Variants in HIBADH observed in about 807,000 individuals in gnomAD.
The protein encoded by HIBADH is 3-hydroxyisobutyrate dehydrogenase, mitochondrial.
A neutral mutation model predicts 36.1 loss-of-function variants in HIBADH; 25 were observed. The ratio of observed to expected loss-of-function variants is 0.69; its 90% CI spans 0.50 to 0.97. The LOEUF (loss-of-function observed/expected upper bound fraction) is 0.97, where lower values mean the gene tolerates loss of function less well. Among genes scored for constraint, HIBADH ranks in the 50% least tolerant of loss-of-function variants. The pLI, the probability that HIBADH is intolerant of heterozygous loss-of-function variation, is 0.00. For synonymous variants in HIBADH, 160 were observed against 149.5 expected (o/e 1.07, Z -0.51); for missense variants, 421 against 418.0 (o/e 1.01, Z -0.06).
intron 2 of HIBADH, among the ~76,000 whole-genome samples, chr7:27,639,484 A>G (rs1785921029): frequency 6.6e-6 from 1 of 152,156 alleles, no homozygotes; most frequent in Admixed American, 6.5e-5. Context: ...ACTACCTGCC[A>G]GGTACCGTGC....
chr7:27,631,149 G>A (rs530410110), intron 3 of HIBADH, among the ~76,000 whole-genome samples: 1 of 152,224 alleles, frequency 6.6e-6, no homozygotes, highest in East Asian at 1.9e-4. Context: ...ACAAATGTAG[G>A]GCTATGTCTC....
intron 4 of HIBADH, among the ~76,000 whole-genome samples, chr7:27,602,441 G>A (rs988359532): frequency 1.2e-4 from 18 of 152,106 alleles, no homozygotes; most frequent in Non-Finnish European, 2.1e-4. Flanking sequence ...GGAAGAAAAA[G>A]CAGCAGGCAA....
At chr7:27,579,657 T>C (rs190731147) in intron 4 of HIBADH, among the ~76,000 whole-genome samples, 2 of 152,350 alleles carry the variant, frequency 1.3e-5, no homozygotes, top group East Asian at 1.9e-4. Flanking sequence ...GGTTTACTTA[T>C]GTGCTTTCTG....
chr7:27,620,483 C>A (rs1177765142), intron 4 of HIBADH, among the ~76,000 whole-genome samples: 1 of 151,456 alleles, frequency 6.6e-6, no homozygotes, highest in Admixed American at 6.6e-5. Context: ...AAAACAACAA[C>A]AACAACAAAA....
intron 4 of HIBADH, among the ~76,000 whole-genome samples, chr7:27,604,418 T>A (rs1445637087): frequency 1.0e-5 from 1 of 97,696 alleles, no homozygotes; most frequent in East Asian, 4.2e-4. Flanking sequence ...GTTTACTCTA[T>A]CAAATTTGAT....
chr7:27,578,378 C>T (rs1010531411), intron 4 of HIBADH, among the ~76,000 whole-genome samples: 3 of 151,516 alleles, frequency 2.0e-5, no homozygotes, highest in African/African-American at 4.9e-5. Context: ...TGCAGTGGCA[C>T]GATCTCAGCT....
chr7:27,598,500 T>C (rs1379125436), intron 4 of HIBADH, among the ~76,000 whole-genome samples: 1 of 152,194 alleles, frequency 6.6e-6, no homozygotes, highest in Non-Finnish European at 1.5e-5. Context: ...CACATTATTA[T>C]TGCTGGTCTG....
At chr7:27,558,728 G>C (rs1350776613) in intron 4 of HIBADH, among the ~76,000 whole-genome samples, 1 of 152,066 alleles carries the variant, frequency 6.6e-6, no homozygotes, top group South Asian at 2.1e-4. Context: ...CAAAACACAA[G>C]CATTTAGTCT....
intron 2 of HIBADH, among the ~76,000 whole-genome samples, chr7:27,640,954 T>C (rs998084794): frequency 1.1e-4 from 17 of 152,180 alleles, no homozygotes; most frequent in African/African-American, 4.1e-4. Context: ...GGTGCATGAC[T>C]ACGGTTTTAC....
intron 4 of HIBADH, among the ~76,000 whole-genome samples, chr7:27,588,115 G>T (rs980067626): frequency 5.9e-5 from 9 of 152,278 alleles, no homozygotes; most frequent in African/African-American, 2.2e-4. Flanking sequence ...GAAAATAACA[G>T]TTAACTGTTG....
chr7:27,613,078 T>C (rs1003523192), intron 4 of HIBADH, among the ~76,000 whole-genome samples: 2 of 128,266 alleles, frequency 1.6e-5, no homozygotes, highest in African/African-American at 5.7e-5. Flanking sequence ...ATATTACATA[T>C]AAAAATTATA....
chr7:27,621,548 T>C (rs1289338765), intron 4 of HIBADH, among the ~76,000 whole-genome samples: 1 of 152,166 alleles, frequency 6.6e-6, no homozygotes, highest in Non-Finnish European at 1.5e-5. Flanking sequence ...TCCCAGCACC[T>C]TGGGAGGCCA....
At chr7:27,662,674 G>C (rs1562665825) in intron 1 of HIBADH, 24 bp downstream of exon 1, 1 of 1,277,168 alleles carries the variant, frequency 7.8e-7, no homozygotes, top group African/African-American at 1.6e-5. Flanking sequence ...GAAGGACAAG[G>C]GGGAGGAGGC....
chr7:27,650,873 A>G (rs1786178354), intron 1 of HIBADH, among the ~76,000 whole-genome samples: 1 of 151,966 alleles, frequency 6.6e-6, no homozygotes, highest in African/African-American at 2.4e-5. Context: ...GTTAGATGCA[A>G]TTTTTCACTT....
intron 2 of HIBADH, among the ~76,000 whole-genome samples, chr7:27,646,933 T>C (rs1328193013): frequency 6.6e-6 from 1 of 152,054 alleles, no homozygotes; most frequent in Non-Finnish European, 1.5e-5. Context: ...TGGCCTCAGG[T>C]GATCCGCCTG....
At chr7:27,624,265 A>C (rs1053637790) in intron 4 of HIBADH, among the ~76,000 whole-genome samples, 2 of 152,236 alleles carry the variant, frequency 1.3e-5, no homozygotes, top group African/African-American at 4.8e-5. Context: ...CTCAGCAACA[A>C]GAACAAGGCT....
intron 1 of HIBADH, among the ~76,000 whole-genome samples, chr7:27,660,216 C>T (rs1269937004): frequency 6.6e-6 from 1 of 152,206 alleles, no homozygotes; most frequent in Non-Finnish European, 1.5e-5. Context: ...TTCAGAACAT[C>T]ACACATTACT....
chr7:27,576,913 A>G (rs1270813763), intron 4 of HIBADH, among the ~76,000 whole-genome samples: 1 of 152,172 alleles, frequency 6.6e-6, no homozygotes, highest in Non-Finnish European at 1.5e-5. Context: ...TCATGCTACT[A>G]TCTATTCACT....
intron 6 of HIBADH, among the ~76,000 whole-genome samples, chr7:27,533,025 T>C (rs189468185): frequency 6.6e-6 from 1 of 152,322 alleles, no homozygotes; most frequent in Admixed American, 6.5e-5. Flanking sequence ...GAAAATACTT[T>C]TAAAGACTCC....
Sources: gnomAD v4.1 joint callset for allele counts (sites outside exome capture counted in the v4.1 genomes callset) on GRCh38, gnomAD v4.1.1 for gene constraint, MANE v1.5 for transcripts, NCBI Gene and HGNC (gene_info 2026-07-23, HGNC 2026-07-21) for gene names.